FNDC3A: variants seen among roughly 807,000 people sequenced by gnomAD.
FNDC3A encodes fibronectin type III domain containing 3A.
In FNDC3A, 32 loss-of-function variants were observed where a neutral mutation model predicts 148.9. The observed-to-expected ratio is 0.21, with a 90% CI of 0.16 to 0.29. The LOEUF (loss-of-function observed/expected upper bound fraction) is 0.29. Among genes scored for constraint, FNDC3A ranks in the 10% least tolerant of loss-of-function variants. FNDC3A has a pLI of 1.00. For synonymous variants in FNDC3A, 472 were observed against 473.6 expected (o/e 1.00, Z 0.04); for missense variants, 1,191 against 1,452.8 (o/e 0.82, Z 2.93).
At chr13:49,114,587 C>G in intron 3 of FNDC3A, 68 bp from the exon 4 acceptor site, 1 of 1,021,816 alleles carries the variant, frequency 9.8e-7, no homozygotes, top group Non-Finnish European at 1.6e-6. Context: ...AAATGTAATT[C>G]AAATTGTTTT....
At chr13:49,042,361 T>C (rs1875003476) in intron 2 of FNDC3A, among the ~76,000 whole-genome samples, 1 of 152,218 alleles carries the variant, frequency 6.6e-6, no homozygotes, top group Non-Finnish European at 1.5e-5. Flanking sequence ...CTTACAACTA[T>C]TTTATCATCT....
At chr13:49,166,454 T>C (rs1441312910) in intron 8 of FNDC3A, among the ~76,000 whole-genome samples, 2 of 152,054 alleles carry the variant, frequency 1.3e-5, no homozygotes, top group African/African-American at 2.4e-5. Context: ...ATGCAGTCTT[T>C]TGGGGGTTGT....
intron 6 of FNDC3A, 101 bp downstream of exon 6, chr13:49,136,702 A>T: frequency 8.5e-7 from 1 of 1,181,722 alleles, no homozygotes; most frequent in East Asian, 2.4e-5. Context: ...TCATGGTCCA[A>T]ATAGACTGTT....
intron 1 of FNDC3A, among the ~76,000 whole-genome samples, chr13:48,993,245 C>G (rs1197143176): frequency 6.6e-6 from 1 of 152,146 alleles, no homozygotes; most frequent in East Asian, 1.9e-4. Flanking sequence ...TAAAAACTTA[C>G]TTAGTCTTAG....
chr13:48,999,260 G>A (rs1346413456), intron 1 of FNDC3A, among the ~76,000 whole-genome samples: 1 of 152,336 alleles, frequency 6.6e-6, no homozygotes, highest in Middle Eastern at 3.4e-3. Flanking sequence ...AATCAAAGAT[G>A]ATGATTCTCA....
intron 2 of FNDC3A, among the ~76,000 whole-genome samples, chr13:49,018,460 T>A (rs1873006255): frequency 6.6e-6 from 1 of 152,234 alleles, no homozygotes; most frequent in Non-Finnish European, 1.5e-5. Context: ...CATCAGCTCC[T>A]TTAAGCACTT....
intron 2 of FNDC3A, among the ~76,000 whole-genome samples, chr13:49,022,902 A>G (rs1165636064): frequency 6.6e-6 from 1 of 152,128 alleles, no homozygotes; most frequent in Non-Finnish European, 1.5e-5. Flanking sequence ...TTCTTTAGAC[A>G]TAAAAAGCCT....
chr13:49,077,268 G>A (rs942576665), intron 3 of FNDC3A, among the ~76,000 whole-genome samples: 1 of 152,208 alleles, frequency 6.6e-6, no homozygotes, highest in Non-Finnish European at 1.5e-5. Flanking sequence ...GCGAGACCCT[G>A]TCTCAAAATA....
intron 1 of FNDC3A, among the ~76,000 whole-genome samples, chr13:48,987,522 T>G (rs1171196136): frequency 6.6e-6 from 1 of 152,210 alleles, no homozygotes; most frequent in Non-Finnish European, 1.5e-5. Context: ...TATATCTGAC[T>G]AAGAAGGGTG....
At chr13:49,013,992 TATC>T (rs1395328412) in intron 2 of FNDC3A, among the ~76,000 whole-genome samples, 1 of 148,822 alleles carries the variant, frequency 6.7e-6, no homozygotes, top group East Asian at 2.0e-4. Context: ...TAATCCAGTC[TATC>T]ATTGTTGGAC....
chr13:49,080,279 C>T (rs866840027), intron 3 of FNDC3A, among the ~76,000 whole-genome samples: 5 of 152,118 alleles, frequency 3.3e-5, no homozygotes, highest in Admixed American at 6.5e-5. Flanking sequence ...TTGGATAAGG[C>T]ACCACTCTTA....
At chr13:49,200,054 C>A (rs115712812) in intron 23 of FNDC3A, among the ~76,000 whole-genome samples, 288 of 152,284 alleles carry the variant, frequency 1.9e-3, no homozygotes, top group African/African-American at 6.7e-3. Context: ...ATGCCACATA[C>A]CTCCCACAGC....
At chr13:49,053,553 T>G (rs942881409) in intron 2 of FNDC3A, among the ~76,000 whole-genome samples, 1 of 152,120 alleles carries the variant, frequency 6.6e-6, no homozygotes, top group African/African-American at 2.4e-5. Context: ...TGGTTTGGTC[T>G]GGAAAGGTGG....
chr13:49,132,889 C>T (rs1180181026), intron 5 of FNDC3A, among the ~76,000 whole-genome samples: 1 of 152,104 alleles, frequency 6.6e-6, no homozygotes, highest in Non-Finnish European at 1.5e-5. Context: ...TCTTTTTTGT[C>T]ATTGTGTATT....
intron 3 of FNDC3A, among the ~76,000 whole-genome samples, chr13:49,085,518 G>C (rs949074275): frequency 6.6e-6 from 1 of 152,114 alleles, no homozygotes; most frequent in African/African-American, 2.4e-5. Flanking sequence ...CATGACTCTT[G>C]ATACTTCAGG....
chr13:49,154,346 T>G, intron 8 of FNDC3A, among the ~76,000 whole-genome samples: 5 of 141,048 alleles, frequency 3.5e-5, no homozygotes, highest in African/African-American at 1.3e-4. Context: ...ATAAGAATGC[T>G]TGTGATTTTT....
At chr13:49,058,101 A>G (rs951988619) in intron 2 of FNDC3A, among the ~76,000 whole-genome samples, 1 of 152,144 alleles carries the variant, frequency 6.6e-6, no homozygotes, top group Admixed American at 6.5e-5. Context: ...ACACCGAGTT[A>G]AAGAAGGAAG....
intron 2 of FNDC3A, among the ~76,000 whole-genome samples, chr13:49,068,882 A>G (rs1286144610): frequency 1.3e-5 from 2 of 152,194 alleles, no homozygotes; most frequent in African/African-American, 4.8e-5. Flanking sequence ...GAGGGGAACA[A>G]CAGACACTAG....
chr13:49,013,714 A>G (rs1451992676), intron 2 of FNDC3A, among the ~76,000 whole-genome samples: 1 of 148,120 alleles, frequency 6.8e-6, no homozygotes, highest in Non-Finnish European at 1.5e-5. Context: ...GTCATCTATC[A>G]TTAGGTATAT....
Sources: gnomAD v4.1 joint callset for allele counts (sites outside exome capture counted in the v4.1 genomes callset) on GRCh38, gnomAD v4.1.1 for gene constraint, MANE v1.5 for transcripts, NCBI Gene and HGNC (gene_info 2026-07-23, HGNC 2026-07-21) for gene names.